The following MINDY4 variants were observed in gnomAD, a reference collection of about 807,000 sequenced individuals.
The protein encoded by MINDY4 is probable ubiquitin carboxyl-terminal hydrolase MINDY-4.
A neutral mutation model predicts 87.0 loss-of-function variants in MINDY4; 68 were observed. The observed-to-expected ratio is 0.78, with a 90% CI of 0.64 to 0.96. The LOEUF is 0.96. Among genes scored for constraint, MINDY4 ranks in the 40% least tolerant of loss-of-function variants. The pLI is 0.00. For missense variants in MINDY4, 919 were observed against 928.2 expected (o/e 0.99, Z 0.13); for synonymous variants, 379 against 363.2 (o/e 1.04, Z -0.50).
intron 2 of MINDY4, among the ~76,000 whole-genome samples, chr7:30,779,334 A>G (rs940888440): frequency 6.6e-6 from 1 of 152,238 alleles, no homozygotes; most frequent in East Asian, 1.9e-4. Flanking sequence ...TGTGGAATAA[A>G]TGAATGAATG....
chr7:30,858,592 A>C (rs1218568693), intron 12 of MINDY4: 3 of 152,110 alleles, frequency 2.0e-5, no homozygotes. Context: ...CTTTTTTAAA[A>C]ATCAGAGTTT....
intron 5 of MINDY4, among the ~76,000 whole-genome samples, chr7:30,801,120 A>AG (rs1312475875): frequency 2.0e-5 from 3 of 152,046 alleles, no homozygotes; most frequent in African/African-American, 7.2e-5. Flanking sequence ...CTGTGTCCTG[A>AG]GGGGGAATGA....
intron 5 of MINDY4, among the ~76,000 whole-genome samples, chr7:30,827,939 G>C (rs190640731): frequency 3.9e-4 from 60 of 152,322 alleles, no homozygotes; most frequent in Admixed American, 1.0e-3. Flanking sequence ...TTTTCAGAGA[G>C]TGATGTAATA....
chr7:30,803,767 T>TC (rs1350249914), intron 5 of MINDY4, among the ~76,000 whole-genome samples: 1 of 152,200 alleles, frequency 6.6e-6, no homozygotes, highest in African/African-American at 2.4e-5. Context: ...CTCTTGTTCT[T>TC]CCCCAGCGTG....
At chr7:30,825,797 A>G (rs1443145905) in intron 5 of MINDY4, among the ~76,000 whole-genome samples, 1 of 152,204 alleles carries the variant, frequency 6.6e-6, no homozygotes, top group East Asian at 1.9e-4. Flanking sequence ...AACTGTTACC[A>G]TGTGTATTAG....
chr7:30,804,824 G>T (rs1048578242), intron 5 of MINDY4, among the ~76,000 whole-genome samples: 20 of 152,206 alleles, frequency 1.3e-4, no homozygotes, highest in Admixed American at 3.9e-4. Context: ...TGACCTGGGG[G>T]AAGAGGACTG....
intron 15 of MINDY4, among the ~76,000 whole-genome samples, chr7:30,879,253 A>G (rs1044979458): frequency 6.6e-6 from 1 of 152,178 alleles, no homozygotes; most frequent in African/African-American, 2.4e-5. Flanking sequence ...TATGGCTGGT[A>G]TCCTCCTAAG....
intron 1 of MINDY4, among the ~76,000 whole-genome samples, chr7:30,777,424 C>T (rs1309767432): frequency 6.6e-6 from 1 of 152,204 alleles, no homozygotes; most frequent in African/African-American, 2.4e-5. Context: ...TCCCGATGCA[C>T]CTAATCCACC....
chr7:30,774,354 CT>C (rs2128164212), intron 1 of MINDY4, among the ~76,000 whole-genome samples: 1 of 152,294 alleles, frequency 6.6e-6, no homozygotes. Context: ...AGGCCCACCC[CT>C]CCATGTGTGC....
chr7:30,854,553 T>A (rs1393544668), intron 12 of MINDY4, among the ~76,000 whole-genome samples: 1 of 152,100 alleles, frequency 6.6e-6, no homozygotes, highest in Non-Finnish European at 1.5e-5. Flanking sequence ...GTGTGCTGGC[T>A]GGTCCCTGAG....
chr7:30,821,418 A>G (rs550431415), intron 5 of MINDY4, among the ~76,000 whole-genome samples: 2 of 152,202 alleles, frequency 1.3e-5, no homozygotes, highest in East Asian at 3.9e-4. Flanking sequence ...AGCTTTGAAG[A>G]TGTTATTTTA....
At chr7:30,874,639 A>G (rs771513032) in intron 14 of MINDY4, among the ~76,000 whole-genome samples, 2 of 152,194 alleles carry the variant, frequency 1.3e-5, no homozygotes, top group East Asian at 1.9e-4. Flanking sequence ...GGACCACCCA[A>G]TGCCTCATGC....
intron 17 of MINDY4, among the ~76,000 whole-genome samples, chr7:30,889,125 G>A (rs1464389616): frequency 3.3e-5 from 5 of 152,204 alleles, no homozygotes; most frequent in African/African-American, 1.2e-4. Context: ...CCCTCTGGGA[G>A]TCTGGATTCA....
chr7:30,856,454 G>A lies in MINDY4; in HGVS notation c.1678-2803G>A, dbSNP rs529443099. Reference sequence around the variant, plus strand: ...CAGGGCTCAAGGGGTCCCCTTGAGGGTGTTCCTAGGACTGGGGGCAACGCT... The same window carrying A: ...CAGGGCTCAAGGGGTCCCCTTGAGGATGTTCCTAGGACTGGGGGCAACGCT... On this transcript the variant is annotated intron_variant, in intron 12 of 17. Coordinates refer to ENST00000265299, the MANE Select transcript of MINDY4 (RefSeq NM_032222.3). Among the ~76,000 whole-genome samples, 5 of 152,044 alleles carry A rather than the reference G, an allele frequency of 3.3e-5. No individual in the cohort carries two copies. In the South Asian group the frequency reaches 1.0e-3, roughly 32 times the overall value.
intron 13 of MINDY4, among the ~76,000 whole-genome samples, chr7:30,869,172 C>T (rs935476986): frequency 3.7e-4 from 57 of 152,286 alleles, no homozygotes; most frequent in African/African-American, 1.3e-3. Flanking sequence ...CCCAGGAGGA[C>T]ATGGAGGAGA....
In MINDY4 at chr7:30,853,382, G is replaced by A. The variant is rs918447284; in HGVS notation, c.1612-12G>A. 3.7e-6 allele frequency: 6 copies of A among 1,612,192 alleles called. No homozygotes were observed. Among genetic ancestry groups the A allele is most frequent in the Non-Finnish European group, 5.1e-6 (6 of 1,178,914 alleles). On this transcript the variant is annotated splice_polypyrimidine_tract_variant and intron_variant, in intron 11 of 17. Coordinates refer to ENST00000265299, the MANE Select transcript of MINDY4 (RefSeq NM_032222.3). Reference sequence around the variant, plus strand: ...CTTGGGCCACTCATCCTGAGTGTTTGTGTCTTCTCAGCTTACGCTTCACAG... The same window carrying A: ...CTTGGGCCACTCATCCTGAGTGTTTATGTCTTCTCAGCTTACGCTTCACAG...
intron 2 of MINDY4, among the ~76,000 whole-genome samples, chr7:30,778,758 C>T (rs1005387687): frequency 2.6e-5 from 4 of 152,118 alleles, no homozygotes; most frequent in African/African-American, 9.7e-5. Flanking sequence ...CGCCCATTGG[C>T]GTGTTGTGTG....
intron 5 of MINDY4, among the ~76,000 whole-genome samples, chr7:30,799,460 G>T (rs539346949): frequency 1.3e-5 from 2 of 152,308 alleles, no homozygotes; most frequent in East Asian, 3.9e-4. Flanking sequence ...GCCTGTTCCA[G>T]GCTGTTCCTG....
chr7:30,832,237 C>A (rs1788726168), intron 6 of MINDY4, among the ~76,000 whole-genome samples: 2 of 152,232 alleles, frequency 1.3e-5, no homozygotes, highest in Admixed American at 1.3e-4. Context: ...GGATCCCTCC[C>A]TGACAACCTC....
Sources: gnomAD v4.1 joint callset for allele counts (sites outside exome capture counted in the v4.1 genomes callset) on GRCh38, gnomAD v4.1.1 for gene constraint, MANE v1.5 for transcripts, NCBI Gene and HGNC (gene_info 2026-07-23, HGNC 2026-07-21) for gene names.